The following BTRC variants were observed in gnomAD, a reference collection of about 807,000 sequenced individuals.
The protein encoded by BTRC is beta-transducin repeat containing E3 ubiquitin protein ligase, also known as F-box/WD repeat-containing protein 1A.
In BTRC, 42 loss-of-function variants were observed where a neutral mutation model predicts 85.5. The ratio of observed to expected loss-of-function variants is 0.49; its 90% CI spans 0.38 to 0.64. BTRC has a LOEUF of 0.64. Ranked by LOEUF, BTRC falls within the 30% of genes least tolerant of loss-of-function variation. The pLI is 0.00. For synonymous variants in BTRC, 255 were observed against 263.3 expected, an observed-to-expected ratio of 0.97 and a Z score of 0.30; for missense variants, 594 against 743.5, an observed-to-expected ratio of 0.80 and a Z score of 2.34.
chr10:101,503,585 A>C (rs1258267370), intron 4 of BTRC, among the ~76,000 whole-genome samples: 1 of 152,194 alleles, frequency 6.6e-6, no homozygotes, highest in Non-Finnish European at 1.5e-5. Context: ...GGGTTATTAA[A>C]GTTTTACCTG....
chr10:101,521,761 A>G lies in BTRC; in HGVS notation c.447A>G (p.Gln149=). 6.2e-7 allele frequency: 1 copy of G among 1,614,146 alleles called. No homozygotes were observed. The highest frequency in any genetic ancestry group is 1.1e-5 in the South Asian group (1 of 91,086). Residue 149 remains glutamine, a synonymous_variant, in exon 5 of 15, where the codon CAA becomes CAG. Coordinates refer to ENST00000370187, the MANE Select transcript of BTRC (RefSeq NM_033637.4). ...KYFEQWSESD[Q]VEFVEHLISQ... is the part of the protein sequence containing the mutation. ...TTGAGCAGTGGTCAGAGTCAGATCAAGTGGAATTTGTGGAACATCTTATAT... is the reference window on the plus strand; with the variant it reads ...TTGAGCAGTGGTCAGAGTCAGATCAGGTGGAATTTGTGGAACATCTTATAT...
In BTRC at chr10:101,532,379, T is replaced by G; in HGVS notation, c.925T>G (p.Leu309Val). Residue 309 changes from leucine to valine, a missense_variant, in exon 8 of 15, where the codon TTA (leucine) becomes GTA (valine). By Grantham distance (32) the Leu-to-Val change is conservative. This residue lies in a region of BTRC where 373 missense variants were observed against 503.6 expected (regional missense o/e 0.74). Transcript: ENST00000370187. The stretch of plus-strand genomic sequence containing the variant: ...TGAAACAAGCAAAGGAGTTTACTGT[T>G]TACAGTATGATGATCAGAAAATAGT... ...RSETSKGVYC[L>V]QYDDQKIVSG... 6.2e-7 allele frequency: 1 copy of G among 1,613,686 alleles called. No homozygotes were observed. Among genetic ancestry groups the G allele is most frequent in the East Asian group, 2.2e-5 (1 of 44,852 alleles).
intron 3 of BTRC, among the ~76,000 whole-genome samples, chr10:101,470,761 A>G (rs943170522): frequency 6.6e-6 from 1 of 152,290 alleles, no homozygotes; most frequent in Non-Finnish European, 1.5e-5. Context: ...ACTTAATTCT[A>G]TGATCCATCT....
intron 2 of BTRC, among the ~76,000 whole-genome samples, chr10:101,447,182 T>C (rs1244604521): frequency 1.3e-5 from 2 of 152,172 alleles, no homozygotes; most frequent in African/African-American, 2.4e-5. Flanking sequence ...TATGATTGAG[T>C]GGCTAATGCT....
At chr10:101,523,440 A>G (rs1242023964) in intron 5 of BTRC, among the ~76,000 whole-genome samples, 1 of 152,280 alleles carries the variant, frequency 6.6e-6, no homozygotes, top group South Asian at 2.1e-4. Context: ...TTTCAGGAAA[A>G]TAGGAGTCTT....
Position 101,438,929 on chromosome 10 carries a change from G to A in BTRC, c.156+8477G>A, listed in dbSNP as rs186160305. Among the ~76,000 whole-genome samples the A allele has an allele frequency of 1.5e-4, 23 of 152,230 alleles. No homozygotes were observed. In the East Asian group the frequency reaches 3.3e-3, roughly 22 times the overall value. ...TCAATTCCAGTAGTCCTGGAAATGT[G>A]CCTATGGACTATTTACAGTGAGATT... is the stretch of plus-strand genomic sequence containing the variant. On this transcript the variant is annotated intron_variant, in intron 2 of 14. Transcript: ENST00000370187.
chr10:101,424,339 G>A (rs1329583759), intron 1 of BTRC, among the ~76,000 whole-genome samples: 4 of 152,198 alleles, frequency 2.6e-5, no homozygotes, highest in Non-Finnish European at 5.9e-5. Context: ...TGTTTTTGGA[G>A]TGAACTAAAT....
intron 4 of BTRC, among the ~76,000 whole-genome samples, chr10:101,516,727 A>G (rs2062029379): frequency 6.6e-6 from 1 of 152,216 alleles, no homozygotes. Context: ...AGTTTTACCT[A>G]ACAGTCTGAT....
At chr10:101,452,561 T>C (rs1389058164) in intron 2 of BTRC, among the ~76,000 whole-genome samples, 1 of 152,244 alleles carries the variant, frequency 6.6e-6, no homozygotes, top group African/African-American at 2.4e-5. Context: ...ATATGATTAG[T>C]GTCGGACAGT....
rs1371200670 is a variant in BTRC, at chr10:101,534,728, T to C, written c.1165T>C (p.Leu389=). The C allele has an allele frequency of 3.7e-6, 6 of 1,614,214 alleles. No homozygotes were observed. In the South Asian group the frequency reaches 5.5e-5, roughly 15 times the overall value. The change falls in exon 10 of 15, where the codon TTG becomes CTG. Residue 389 remains leucine, a synonymous_variant. Transcript: ENST00000370187. ...LIHHCEAVLH[L]RFNNGMMVTC... is the part of the protein sequence containing the mutation. ...TCACCATTGTGAAGCAGTTCTGCAC[T>C]TGCGTTTCAATAATGGCATGATGGT...
rs1944431718 is a variant in BTRC at position 101,432,688 on chromosome 10, A to G, written c.156+2236A>G. Reference sequence around the variant, plus strand: ...CTAGAAAGGACTTAGAATTCACTGAAAACAATTATACTCACAGTTTATTAC... The same window carrying G: ...CTAGAAAGGACTTAGAATTCACTGAGAACAATTATACTCACAGTTTATTAC... On this transcript the variant is annotated intron_variant, in intron 2 of 14. Transcript: ENST00000370187. Among the ~76,000 whole-genome samples the G allele has an allele frequency of 2.6e-5, 4 of 152,298 alleles. No individual in the cohort carries two copies. In the South Asian group the frequency reaches 8.3e-4, roughly 32 times the overall value.
intron 1 of BTRC, among the ~76,000 whole-genome samples, chr10:101,394,571 C>T (rs1274430965): frequency 6.6e-6 from 1 of 152,224 alleles, no homozygotes; most frequent in Non-Finnish European, 1.5e-5. Context: ...AATACATAGT[C>T]ACAGACTGAC....
At chr10:101,411,973 A>G (rs1943792907) in intron 1 of BTRC, among the ~76,000 whole-genome samples, 1 of 152,174 alleles carries the variant, frequency 6.6e-6, no homozygotes, top group Admixed American at 6.6e-5. Flanking sequence ...ATTCTAGTGT[A>G]GTTCATCCCA....
chr10:101,467,028 G>A (rs1281464469), intron 3 of BTRC, among the ~76,000 whole-genome samples: 1 of 152,138 alleles, frequency 6.6e-6, no homozygotes, highest in Non-Finnish European at 1.5e-5. Context: ...ACATTATAGT[G>A]TGTATTAACA....
At chr10:101,473,149 T>C (rs1460506535) in intron 3 of BTRC, among the ~76,000 whole-genome samples, 1 of 152,098 alleles carries the variant, frequency 6.6e-6, no homozygotes, top group African/African-American at 2.4e-5. Context: ...TTTTTTTCTT[T>C]TCTTAATCTC....
intron 2 of BTRC, among the ~76,000 whole-genome samples, chr10:101,454,376 A>C (rs1383128026): frequency 6.6e-6 from 1 of 152,210 alleles, no homozygotes. Flanking sequence ...GAGTAGTTTT[A>C]TGGTTTCTTG....
At chr10:101,530,179 A>C (rs2062258914) in intron 6 of BTRC, among the ~76,000 whole-genome samples, 2 of 152,210 alleles carry the variant, frequency 1.3e-5, no homozygotes, top group Admixed American at 1.3e-4. Context: ...GCAGTTAAGT[A>C]CATGTGTATG....
chr10:101,555,487 G>T lies in BTRC; in HGVS notation c.*2364G>T, dbSNP rs1056762889. On this transcript the variant is annotated 3_prime_UTR_variant, in exon 15 of 15. Coordinates refer to ENST00000370187, the MANE Select transcript of BTRC (RefSeq NM_033637.4). ...TCTCCAAGTTGTCCTCTCTCCTGCT[G>T]ATGGAAATGGGAATGAAGTTAAGTG... The T allele has an allele frequency of 1.3e-5, 2 of 152,626 alleles. No individual in the cohort carries two copies. The highest frequency in any genetic ancestry group is 4.8e-5 in the African/African-American group (2 of 41,460). The allele number at this position is 152,626 out of a possible 1,614,324, so 9.5% of individuals were successfully genotyped here. A position where few individuals can be genotyped will look rare whatever the true frequency, so the allele number is the denominator to read the frequency against.
chr10:101,432,289 C>G (rs1944423596), intron 2 of BTRC, among the ~76,000 whole-genome samples: 1 of 151,834 alleles, frequency 6.6e-6, no homozygotes, highest in Admixed American at 6.6e-5. Flanking sequence ...CCACACTTGG[C>G]TCATTTTTCT....
Sources: allele counts gnomAD v4.1 joint callset (sites outside exome capture counted in the v4.1 genomes callset), GRCh38; gene constraint gnomAD v4.1.1; regional missense constraint gnomAD v4.1.1; transcripts MANE v1.5; gene names NCBI Gene and HGNC (gene_info 2026-07-23, HGNC 2026-07-21).